LUC7L2: variants seen among roughly 807,000 people sequenced by gnomAD.
LUC7L2 encodes the protein LUC7 like 2, pre-mRNA splicing factor.
In LUC7L2, 25 loss-of-function variants were observed where a neutral mutation model predicts 52.8. The observed-to-expected ratio is 0.47, with a 90% CI of 0.34 to 0.66. LUC7L2 has a LOEUF of 0.66. Among genes scored for constraint, LUC7L2 ranks in the 30% least tolerant of loss-of-function variants. The pLI is 0.01. For synonymous variants in LUC7L2, 144 were observed against 160.9 expected (o/e 0.89, Z 0.80); for missense variants, 328 against 497.8 (o/e 0.66, Z 3.25).
chr7:139,343,606 A>G (rs776017328), intron 1 of LUC7L2, among the ~76,000 whole-genome samples: 9 of 152,124 alleles, frequency 5.9e-5, no homozygotes, highest in African/African-American at 2.2e-4. Flanking sequence ...CACACATTCT[A>G]GTTTTCAGAT....
At chr7:139,404,264 CT>C (rs1168174465) in intron 4 of LUC7L2, among the ~76,000 whole-genome samples, 11 of 152,310 alleles carry the variant, frequency 7.2e-5, no homozygotes, top group South Asian at 6.2e-4. Flanking sequence ...AATCCCAGCA[CT>C]TTGTGAGGCC....
At position 139,360,094 on chromosome 7, in the gene LUC7L2, A is replaced by G. The variant is rs1166453155; in HGVS notation, c.-168A>G. ...ACGTACACGTCGTCGTGAGGAGCGC[A>G]GTCCGGACTCTTCCCGCAACCCCTC... On this transcript the variant is annotated 5_prime_UTR_variant, in exon 1 of 10. Coordinates refer to ENST00000354926, the MANE Select transcript of LUC7L2 (RefSeq NM_016019.5). The G allele has an allele frequency of 1.8e-6, 1 of 564,598 alleles. No individual in the cohort carries two copies. 35.0% of individuals were successfully genotyped at this position (564,598 alleles called of 1,614,324 possible).
At chr7:139,415,572 G>A (rs1451938568) in intron 8 of LUC7L2, among the ~76,000 whole-genome samples, 2 of 126,756 alleles carry the variant, frequency 1.6e-5, no homozygotes, top group Non-Finnish European at 1.6e-5. Context: ...TGGAAATAAC[G>A]CTTTTTTTTT....
chr7:139,411,506 A>T (rs1275709063), intron 7 of LUC7L2, among the ~76,000 whole-genome samples: 2 of 152,206 alleles, frequency 1.3e-5, no homozygotes, highest in African/African-American at 4.8e-5. Context: ...TGACAGAGTA[A>T]GCTGAGAGAG....
At chr7:139,351,745 C>T (rs1386657502) in intron 1 of LUC7L2, among the ~76,000 whole-genome samples, 1 of 152,236 alleles carries the variant, frequency 6.6e-6, no homozygotes, top group Non-Finnish European at 1.5e-5. Flanking sequence ...TGCTGTTCCT[C>T]ATACAGGGAA....
Position 139,376,018 on chromosome 7 carries a change from C to A in LUC7L2, c.62-44C>A, listed in dbSNP as rs759354046. 15 of 1,601,968 alleles carry A rather than the reference C, an allele frequency of 9.4e-6. No individual in the cohort carries two copies. The South Asian group carries it at 1.5e-4, about 17-fold the overall frequency. ...TAGTAGGGCTCTCAGAAAATACTTTCCAGTTGTCTAACCTTGAATGTTATT... is the reference window on the plus strand; with the variant it reads ...TAGTAGGGCTCTCAGAAAATACTTTACAGTTGTCTAACCTTGAATGTTATT... On this transcript the variant is annotated intron_variant, in intron 1 of 9. Transcript: ENST00000354926.
At chr7:139,368,973 C>T (rs939715483) in intron 1 of LUC7L2, among the ~76,000 whole-genome samples, 3 of 152,026 alleles carry the variant, frequency 2.0e-5, no homozygotes, top group African/African-American at 7.2e-5. Context: ...TCACCTCTGT[C>T]CCTTGATATT....
At chr7:139,420,113 A>G (rs945346870) in intron 9 of LUC7L2, among the ~76,000 whole-genome samples, 2 of 152,160 alleles carry the variant, frequency 1.3e-5, no homozygotes, top group Non-Finnish European at 2.9e-5. Flanking sequence ...AATGAGGACC[A>G]TTTGCATCTA....
At chr7:139,390,321 C>T (rs988022440) in intron 2 of LUC7L2, among the ~76,000 whole-genome samples, 11 of 151,112 alleles carry the variant, frequency 7.3e-5, no homozygotes, top group African/African-American at 2.2e-4. Context: ...AGTGCAGTGG[C>T]GCCATCTCCA....
chr7:139,347,793 C>T (rs1799318379), intron 1 of LUC7L2, among the ~76,000 whole-genome samples: 1 of 152,050 alleles, frequency 6.6e-6, no homozygotes, highest in African/African-American at 2.4e-5. Flanking sequence ...CTCTGTCTCC[C>T]AGGTTCAAGT....
chr7:139,374,796 T>TA, intron 1 of LUC7L2: 1 of 1,119,214 alleles, frequency 8.9e-7, no homozygotes, highest in Non-Finnish European at 1.1e-6. Context: ...CTAAAAATGA[T>TA]AGTGTTTAGT....
intron 7 of LUC7L2, among the ~76,000 whole-genome samples, chr7:139,412,275 A>C (rs1305905104): frequency 6.6e-6 from 1 of 151,956 alleles, no homozygotes; most frequent in Non-Finnish European, 1.5e-5. Flanking sequence ...TATGATCCTT[A>C]GCGTTTCGGA....
At chr7:139,375,114 A>G in intron 1 of LUC7L2, 1 of 984,200 alleles carries the variant, frequency 1.0e-6, no homozygotes, top group South Asian at 4.7e-5. Context: ...GAAACATCCT[A>G]ATGAGTTTTT....
At chr7:139,409,973 C>T (rs945375217) in intron 7 of LUC7L2, among the ~76,000 whole-genome samples, 58 of 152,038 alleles carry the variant, frequency 3.8e-4, no homozygotes, top group Admixed American at 2.0e-4. Flanking sequence ...TTTGGGAGGC[C>T]GAGGCGGGTG....
At chr7:139,350,785 C>T (rs1005231774) in intron 1 of LUC7L2, among the ~76,000 whole-genome samples, 8 of 151,648 alleles carry the variant, frequency 5.3e-5, no homozygotes, top group Admixed American at 1.3e-4. Context: ...AAGTGATTCT[C>T]CTGCCTCAGC....
At chr7:139,364,269 G>A (rs1330789058) in intron 1 of LUC7L2, among the ~76,000 whole-genome samples, 2 of 152,034 alleles carry the variant, frequency 1.3e-5, no homozygotes, top group African/African-American at 2.4e-5. Context: ...TAGAAATTAG[G>A]TAAGTTATAG....
intron 2 of LUC7L2, among the ~76,000 whole-genome samples, chr7:139,376,811 C>T (rs980030171): frequency 6.6e-6 from 1 of 152,168 alleles, no homozygotes; most frequent in Non-Finnish European, 1.5e-5. Context: ...TTCATAGTTG[C>T]ATCTGATGCT....
At chr7:139,393,858 G>T (rs1035988907) in intron 2 of LUC7L2, among the ~76,000 whole-genome samples, 3 of 152,186 alleles carry the variant, frequency 2.0e-5, no homozygotes, top group East Asian at 3.8e-4. Context: ...CTGAAAATCT[G>T]CCTTGGCTAT....
chr7:139,370,696 C>G (rs1296848209), intron 1 of LUC7L2, among the ~76,000 whole-genome samples: 1 of 152,244 alleles, frequency 6.6e-6, no homozygotes, highest in Non-Finnish European at 1.5e-5. Flanking sequence ...CGCAGGTGAT[C>G]TGCCTGCCTT....
Sources: allele counts gnomAD v4.1 joint callset (sites outside exome capture counted in the v4.1 genomes callset), GRCh38; gene constraint gnomAD v4.1.1; transcripts MANE v1.5; gene names NCBI Gene and HGNC (gene_info 2026-07-23, HGNC 2026-07-21).